IL1RAPL2: variants seen among roughly 807,000 people sequenced by gnomAD.
IL1RAPL2 encodes X-linked interleukin-1 receptor accessory protein-like 2.
IL1RAPL2 carries 3 observed loss-of-function variants against 44.1 expected under a neutral mutation model. The ratio of observed to expected loss-of-function variants is 0.07; its 90% CI spans 0.03 to 0.18. The LOEUF (loss-of-function observed/expected upper bound fraction) is 0.18, where lower values mean the gene tolerates loss of function less well. Ranked by LOEUF, IL1RAPL2 falls within the 10% of genes least tolerant of loss-of-function variation. The pLI is 1.00. For synonymous variants in IL1RAPL2, 181 were observed against 178.8 expected (o/e 1.01, Z -0.10); for missense variants, 391 against 496.4 (o/e 0.79, Z 2.02).
At chrX:105,094,397 ATAC>A (rs1170712918) in intron 2 of IL1RAPL2, among the ~76,000 whole-genome samples, 39 of 112,095 alleles carry the variant, frequency 3.5e-4, no homozygotes, top group African/African-American at 1.2e-3. Context: ...ATGCATATAT[ATAC>A]AAGATGTATA....
chrX:105,077,921 T>C (rs1193746195), intron 2 of IL1RAPL2, among the ~76,000 whole-genome samples: 2 of 111,679 alleles, frequency 1.8e-5, no homozygotes, highest in Non-Finnish European at 3.8e-5. Flanking sequence ...CTGCATTGGT[T>C]ATTCCAGTTA....
chrX:105,730,200 T>C (rs1478995526), intron 7 of IL1RAPL2, among the ~76,000 whole-genome samples: 1 of 110,759 alleles, frequency 9.0e-6, no homozygotes, highest in Non-Finnish European at 1.9e-5. Context: ...AAATGAACAG[T>C]AAGCAAAAGT....
chrX:104,879,843 G>T (rs1923015849), intron 2 of IL1RAPL2, among the ~76,000 whole-genome samples: 1 of 111,116 alleles, frequency 9.0e-6, no homozygotes, highest in Non-Finnish European at 1.9e-5. Context: ...CAGTGAGATG[G>T]GAGGAAAGTG....
chrX:105,167,530 A>G (rs964736672), intron 2 of IL1RAPL2, among the ~76,000 whole-genome samples: 23 of 111,387 alleles, frequency 2.1e-4, no homozygotes, highest in Admixed American at 2.0e-3. Context: ...TTAACAGGAG[A>G]TGACTCCCCG....
chrX:105,440,610 G>A (rs2035913446), intron 5 of IL1RAPL2, among the ~76,000 whole-genome samples: 1 of 112,108 alleles, frequency 8.9e-6, no homozygotes, highest in African/African-American at 3.2e-5. Flanking sequence ...AGCCAAATAT[G>A]CTCTGCAGAG....
At chrX:105,445,967 G>A (rs1440178931) in intron 5 of IL1RAPL2, among the ~76,000 whole-genome samples, 1 of 111,533 alleles carries the variant, frequency 9.0e-6, no homozygotes, top group African/African-American at 3.3e-5. Context: ...TGGAAGCTAT[G>A]TCCAGTGCTG....
Position 105,191,714 on chromosome X carries a change from G to T in IL1RAPL2, c.83-3761G>T, listed in dbSNP as rs541294865. On this transcript the variant is annotated intron_variant, in intron 2 of 10. Transcript: ENST00000372582. ...AATAGGAGGTGTTTTCAAATCCAGGGACAAGAATATTTATAATCATACTCA... is the reference window on the plus strand; with the variant it reads ...AATAGGAGGTGTTTTCAAATCCAGGTACAAGAATATTTATAATCATACTCA... Among the ~76,000 whole-genome samples, 3 of 112,292 alleles carry T rather than the reference G, an allele frequency of 2.7e-5. No individual in the cohort carries two copies. The South Asian group carries it at 1.1e-3, about 42-fold the overall frequency.
intron 5 of IL1RAPL2, among the ~76,000 whole-genome samples, chrX:105,465,541 A>G (rs1357972023): frequency 8.9e-6 from 1 of 111,832 alleles, no homozygotes; most frequent in Admixed American, 9.5e-5. Flanking sequence ...CATTGAAATA[A>G]ATGTACTAGG....
At position 104,908,876 on chromosome X, in the gene IL1RAPL2, C is replaced by T. The variant is rs181869591; in HGVS notation, c.82+249881C>T. Among the ~76,000 whole-genome samples, 17 of 111,097 alleles carry T rather than the reference C, an allele frequency of 1.5e-4. No homozygotes were observed. The East Asian group carries it at 4.8e-3, about 32-fold the overall frequency. ...GCCTTGCTAGATTGGGGAAGTTCTCCTGAAATGTTGGCCTGCCTTGCTAGA... is the reference window on the plus strand; with the variant it reads ...GCCTTGCTAGATTGGGGAAGTTCTCTTGAAATGTTGGCCTGCCTTGCTAGA... On this transcript the variant is annotated intron_variant, in intron 2 of 10. Transcript: ENST00000372582.
At chrX:104,701,679 T>A (rs1225091336) in intron 2 of IL1RAPL2, among the ~76,000 whole-genome samples, 1 of 111,901 alleles carries the variant, frequency 8.9e-6, no homozygotes. Flanking sequence ...GCTAAATGAA[T>A]GTGCTTCTAG....
chrX:105,239,340 C>A (rs932552109), intron 4 of IL1RAPL2, among the ~76,000 whole-genome samples: 10 of 111,769 alleles, frequency 8.9e-5, no homozygotes, highest in Admixed American at 3.8e-4. Context: ...GGATACATTT[C>A]TAATTATTCC....
At chrX:104,584,791 T>C (rs1602630804) in intron 1 of IL1RAPL2, among the ~76,000 whole-genome samples, 1 of 110,853 alleles carries the variant, frequency 9.0e-6, no homozygotes, top group African/African-American at 3.3e-5. Context: ...AGGAAAATCA[T>C]AAAGTAGGTG....
chrX:105,035,759 T>G (rs2031617940), intron 2 of IL1RAPL2, among the ~76,000 whole-genome samples: 1 of 112,451 alleles, frequency 8.9e-6, no homozygotes, highest in Non-Finnish European at 1.9e-5. Context: ...TAACTCCAAT[T>G]ACATTTAAAG....
chrX:104,730,100 A>G (rs1931873294), intron 2 of IL1RAPL2, among the ~76,000 whole-genome samples: 1 of 111,427 alleles, frequency 9.0e-6, no homozygotes, highest in South Asian at 3.8e-4. Flanking sequence ...CACTATGAAG[A>G]TATATATTTT....
At chrX:105,748,853 C>A in intron 8 of IL1RAPL2, 107 bp from the exon 9 acceptor site, 2 of 789,453 alleles carry the variant, frequency 2.5e-6, no homozygotes, top group Non-Finnish European at 3.5e-6. Flanking sequence ...CAAGAATTTT[C>A]TGGAAAGGAA....
chrX:105,339,136 C>T (rs1280788474), intron 5 of IL1RAPL2, among the ~76,000 whole-genome samples: 2 of 111,447 alleles, frequency 1.8e-5, no homozygotes, highest in Non-Finnish European at 3.8e-5. Context: ...TAAATACAAA[C>T]AAAACAGCAG....
intron 5 of IL1RAPL2, among the ~76,000 whole-genome samples, chrX:105,358,351 A>T (rs2035220449): frequency 1.2e-5 from 1 of 84,924 alleles, no homozygotes; most frequent in Admixed American, 1.6e-4. Context: ...CATTGTTAAA[A>T]AGTTCAGTCT....
chrX:105,395,316 T>G (rs1275730340), intron 5 of IL1RAPL2, among the ~76,000 whole-genome samples: 3 of 109,053 alleles, frequency 2.8e-5, no homozygotes, highest in Non-Finnish European at 5.7e-5. Flanking sequence ...GCTGAAAGGG[T>G]TCTCACATAT....
chrX:104,676,459 T>C (rs1386120349), intron 2 of IL1RAPL2, among the ~76,000 whole-genome samples: 1 of 112,222 alleles, frequency 8.9e-6, no homozygotes, highest in African/African-American at 3.2e-5. Flanking sequence ...GAGTTTCTGC[T>C]GAGAGATCCA....
Sources: gnomAD v4.1 joint callset for allele counts (sites outside exome capture counted in the v4.1 genomes callset) on GRCh38, gnomAD v4.1.1 for gene constraint, MANE v1.5 for transcripts, NCBI Gene and HGNC (gene_info 2026-07-23, HGNC 2026-07-21) for gene names.